The following DIAPH3 variants were observed in gnomAD, a reference collection of about 807,000 sequenced individuals.
DIAPH3 encodes protein diaphanous homolog 3.
Under a neutral mutation model 144.3 loss-of-function variants are expected in DIAPH3, and 117 were observed. That is an observed-to-expected ratio of 0.81 (90% CI 0.70 to 0.95). DIAPH3 has a LOEUF of 0.95. Ranked by LOEUF, DIAPH3 falls within the 40% of genes least tolerant of loss-of-function variation. DIAPH3 has a pLI of 0.00. For missense variants in DIAPH3, 1,421 were observed against 1,412.7 expected (o/e 1.01, Z -0.09); for synonymous variants, 519 against 488.9 (o/e 1.06, Z -0.81).
chr13:59,822,704 G>C (rs1457911763), intron 24 of DIAPH3, among the ~76,000 whole-genome samples: 1 of 152,062 alleles, frequency 6.6e-6, no homozygotes, highest in Non-Finnish European at 1.5e-5. Flanking sequence ...GCCTCCCAAA[G>C]TGCTGGGATT....
intron 25 of DIAPH3, among the ~76,000 whole-genome samples, chr13:59,784,471 G>A (rs1306454583): frequency 6.6e-6 from 1 of 151,966 alleles, no homozygotes; most frequent in Admixed American, 6.6e-5. Flanking sequence ...TGCCTCCCAG[G>A]TTCAAGTGAT....
chr13:60,004,202 G>A (rs932466179), intron 9 of DIAPH3, among the ~76,000 whole-genome samples: 7 of 152,028 alleles, frequency 4.6e-5, no homozygotes, highest in African/African-American at 9.7e-5. Context: ...TTTAATTGGC[G>A]ATTTGCTAAT....
intron 18 of DIAPH3, among the ~76,000 whole-genome samples, chr13:59,920,977 T>C (rs1355103990): frequency 6.6e-6 from 1 of 151,746 alleles, no homozygotes; most frequent in East Asian, 1.9e-4. Flanking sequence ...CTAAACAACA[T>C]GCTTCTAAAT....
At chr13:59,969,534 C>T (rs1353892350) in intron 17 of DIAPH3, among the ~76,000 whole-genome samples, 1 of 152,160 alleles carries the variant, frequency 6.6e-6, no homozygotes. Flanking sequence ...TATGCTATCC[C>T]TCTCCTAGCT....
intron 25 of DIAPH3, among the ~76,000 whole-genome samples, chr13:59,805,754 G>GCT (rs1306310329): frequency 6.6e-6 from 1 of 151,830 alleles, no homozygotes; most frequent in Non-Finnish European, 1.5e-5. Context: ...ATAGGAGACT[G>GCT]CTTTCTTAGT....
intron 21 of DIAPH3, among the ~76,000 whole-genome samples, chr13:59,868,212 G>A (rs1276646346): frequency 6.6e-6 from 1 of 152,078 alleles, no homozygotes; most frequent in African/African-American, 2.4e-5. Context: ...ACATTGTCCA[G>A]CCAAAGCTAT....
At chr13:60,146,475 T>TG (rs941751540) in intron 1 of DIAPH3, among the ~76,000 whole-genome samples, 42 of 152,370 alleles carry the variant, frequency 2.8e-4, no homozygotes, top group African/African-American at 9.4e-4. Context: ...CCTTTGCACT[T>TG]GTCATCCAAA....
chr13:59,893,045 G>A (rs937727055), intron 20 of DIAPH3, among the ~76,000 whole-genome samples: 5 of 152,020 alleles, frequency 3.3e-5, no homozygotes, highest in African/African-American at 1.2e-4. Context: ...TTAATAACAA[G>A]AGTCAGTAGC....
intron 7 of DIAPH3, among the ~76,000 whole-genome samples, 192 bp from the exon 8 acceptor site, chr13:60,010,861 T>G (rs1339333564): frequency 4.6e-5 from 7 of 152,114 alleles, no homozygotes; most frequent in African/African-American, 1.4e-4. Flanking sequence ...ATCCCAGAAC[T>G]TTGGGAGGCA....
In DIAPH3 at chr13:59,818,433, T is replaced by C. The variant is rs148114584; in HGVS notation, c.3028-7510A>G. ...CCTTCCATTTTTGCAATAAGTAATC[T>C]GTATCTAATTGTTGTTGCTTTGGGG... On this transcript the variant is annotated intron_variant, in intron 24 of 27. Transcript: ENST00000400324. 5.1e-3 allele frequency among the ~76,000 whole-genome samples: 770 copies of C among 152,078 alleles called. 3 individuals carry two copies. The highest frequency in any genetic ancestry group is 0.031 in the South Asian group (148 of 4,820).
chr13:59,909,416 CA>C (rs2046888230), intron 20 of DIAPH3, among the ~76,000 whole-genome samples: 1 of 149,226 alleles, frequency 6.7e-6, no homozygotes, highest in Admixed American at 6.7e-5. Context: ...CTTTGGAGAG[CA>C]AAAGTTGAGA....
At chr13:59,856,867 C>T (rs1028814087) in intron 22 of DIAPH3, among the ~76,000 whole-genome samples, 3 of 151,092 alleles carry the variant, frequency 2.0e-5, no homozygotes, top group Non-Finnish European at 2.9e-5. Flanking sequence ...AACAATGTAA[C>T]CTATTAACTA....
At chr13:60,003,255 G>A (rs1248577095) in intron 9 of DIAPH3, among the ~76,000 whole-genome samples, 1 of 151,830 alleles carries the variant, frequency 6.6e-6, no homozygotes, top group Non-Finnish European at 1.5e-5. Context: ...TGATTCCCTG[G>A]GCCTACCAGA....
intron 14 of DIAPH3, among the ~76,000 whole-genome samples, chr13:59,975,799 T>C (rs1179014132): frequency 3.3e-5 from 5 of 152,086 alleles, no homozygotes; most frequent in Non-Finnish European, 7.4e-5. Flanking sequence ...CAAAAACTAA[T>C]AGGTAAAAAC....
chr13:60,008,779 A>G lies in DIAPH3; in HGVS notation c.909-130T>C, dbSNP rs2053050296. 4.3e-6 allele frequency: 3 copies of G among 699,132 alleles called. No homozygotes were observed. The South Asian group carries it at 4.8e-5, about 11-fold the overall frequency. 43.3% of individuals were successfully genotyped at this position (699,132 alleles called of 1,614,324 possible). On this transcript the variant is annotated intron_variant, in intron 8 of 27. Coordinates refer to ENST00000400324, the MANE Select transcript of DIAPH3 (RefSeq NM_001042517.2). Reference sequence around the variant, plus strand: ...ATTTTAGAAGTAGATTACTGAGTACATACCATGTATCAAGCACAGTTCTAA... The same window carrying G: ...ATTTTAGAAGTAGATTACTGAGTACGTACCATGTATCAAGCACAGTTCTAA...
chr13:59,801,045 T>A (rs1199265008), intron 25 of DIAPH3, among the ~76,000 whole-genome samples: 1 of 152,160 alleles, frequency 6.6e-6, no homozygotes, highest in African/African-American at 2.4e-5. Context: ...AAAAAGTACT[T>A]TTATTCACAC....
At chr13:59,783,038 G>A (rs1423100794) in intron 25 of DIAPH3, among the ~76,000 whole-genome samples, 3 of 152,174 alleles carry the variant, frequency 2.0e-5, no homozygotes, top group African/African-American at 7.2e-5. Context: ...GTCATTTTAA[G>A]CTAGGAAGTA....
chr13:59,692,874 C>A (rs1323360471), intron 27 of DIAPH3, among the ~76,000 whole-genome samples: 2 of 152,136 alleles, frequency 1.3e-5, no homozygotes, highest in Non-Finnish European at 2.9e-5. Context: ...ATAATAAAAT[C>A]TTTCTTCTGA....
At chr13:59,991,951 T>G (rs921782155) in intron 11 of DIAPH3, 117 bp downstream of exon 11, 2 of 810,608 alleles carry the variant, frequency 2.5e-6, no homozygotes, top group East Asian at 2.5e-5. Context: ...TTCTGATGCA[T>G]GAAGGTTTGA....
Sources: allele counts gnomAD v4.1 joint callset (sites outside exome capture counted in the v4.1 genomes callset), GRCh38; gene constraint gnomAD v4.1.1; transcripts MANE v1.5; gene names NCBI Gene and HGNC (gene_info 2026-07-23, HGNC 2026-07-21).